Variants in PCDH15 observed in about 807,000 individuals in gnomAD.
PCDH15 encodes the protein protocadherin related 15.
Under a neutral mutation model 178.5 loss-of-function variants are expected in PCDH15, and 129 were observed. The ratio of observed to expected loss-of-function variants is 0.72; its 90% CI spans 0.63 to 0.84. PCDH15 has a LOEUF of 0.84. Among genes scored for constraint, PCDH15 ranks in the 40% least tolerant of loss-of-function variants. The pLI is 0.00. For missense variants in PCDH15, 2,230 were observed against 2,099.9 expected, an observed-to-expected ratio of 1.06 and a Z score of -1.21; for synonymous variants, 800 against 732.0, an observed-to-expected ratio of 1.09 and a Z score of -1.50.
chr10:55,056,034 A>G (rs1001067588), intron 2 of PCDH15, among the ~76,000 whole-genome samples: 2 of 152,112 alleles, frequency 1.3e-5, no homozygotes, highest in African/African-American at 4.8e-5. Context: ...CATTGTCACA[A>G]CGCTAACCCA....
intron 2 of PCDH15, among the ~76,000 whole-genome samples, chr10:55,442,083 G>C (rs1051796525): frequency 1.3e-5 from 2 of 152,094 alleles, no homozygotes; most frequent in Non-Finnish European, 2.9e-5. Flanking sequence ...AAAAATCTGT[G>C]AGAACTAGTA....
intron 15 of PCDH15, among the ~76,000 whole-genome samples, chr10:54,096,111 A>T (rs1277408405): frequency 6.6e-6 from 1 of 152,116 alleles, no homozygotes; most frequent in African/African-American, 2.4e-5. Context: ...CAAAGTTTAC[A>T]AACTATAGAA....
chr10:54,561,696 A>C (rs1396431262), intron 2 of PCDH15, among the ~76,000 whole-genome samples: 1 of 152,116 alleles, frequency 6.6e-6, no homozygotes, highest in Non-Finnish European at 1.5e-5. Flanking sequence ...ATCACTGTTT[A>C]TTTCATGCAA....
chr10:54,705,668 A>G (rs933121780), intron 1 of PCDH15, among the ~76,000 whole-genome samples: 2 of 152,170 alleles, frequency 1.3e-5, no homozygotes, highest in African/African-American at 2.4e-5. Flanking sequence ...ATTTTCTTCT[A>G]GAACAGTGAT....
At chr10:54,206,902 C>T (rs1008326837) in intron 10 of PCDH15, among the ~76,000 whole-genome samples, 5 of 151,932 alleles carry the variant, frequency 3.3e-5, no homozygotes, top group East Asian at 3.9e-4. Flanking sequence ...AGTGGGGAGA[C>T]GTGACAAGGG....
chr10:54,754,942 CTTTTTT>C (rs35143502), intron 1 of PCDH15, among the ~76,000 whole-genome samples: 10 of 33,858 alleles, frequency 3.0e-4, no homozygotes, highest in Non-Finnish European at 5.6e-4. Flanking sequence ...GTTTTTCTTT[CTTTTTT>C]TTTTTTTTTT....
At chr10:54,945,351 T>TAGATATATAGATA (rs36018565) in intron 2 of PCDH15, among the ~76,000 whole-genome samples, 113 of 138,094 alleles carry the variant, frequency 8.2e-4, no homozygotes, top group East Asian at 3.5e-3. Context: ...GATAGATAGA[T>TAGATATATAGATA]GATAGATAGA....
chr10:54,279,411 C>T (rs543955278), intron 8 of PCDH15, among the ~76,000 whole-genome samples: 4 of 151,618 alleles, frequency 2.6e-5, no homozygotes, highest in African/African-American at 4.8e-5. Flanking sequence ...TGTAGTTATG[C>T]TATATACTAA....
At chr10:55,329,170 G>T (rs1844127488) in intron 2 of PCDH15, among the ~76,000 whole-genome samples, 1 of 148,716 alleles carries the variant, frequency 6.7e-6, no homozygotes, top group Non-Finnish European at 1.5e-5. Context: ...AATATCTCGT[G>T]AGGACACTTG....
At chr10:54,206,391 A>G (rs558647068) in intron 10 of PCDH15, among the ~76,000 whole-genome samples, 42 of 152,138 alleles carry the variant, frequency 2.8e-4, no homozygotes, top group Non-Finnish European at 5.6e-4. Flanking sequence ...CAGCAAGGTC[A>G]GCCAGATATA....
intron 3 of PCDH15, among the ~76,000 whole-genome samples, chr10:54,463,606 C>A (rs929449309): frequency 6.6e-6 from 1 of 152,124 alleles, no homozygotes; most frequent in Non-Finnish European, 1.5e-5. Context: ...ATAAAACTGT[C>A]TGAGTACTGT....
At chr10:55,395,225 GAGAGAGAA>G (rs1414668432) in intron 2 of PCDH15, among the ~76,000 whole-genome samples, 16 of 142,980 alleles carry the variant, frequency 1.1e-4, no homozygotes, top group Non-Finnish European at 1.4e-4. Flanking sequence ...GAGAGAGAGA[GAGAGAGAA>G]AGAGACTACG....
chr10:54,214,689 T>C (rs1400359326), intron 9 of PCDH15, among the ~76,000 whole-genome samples: 2 of 152,210 alleles, frequency 1.3e-5, no homozygotes, highest in Non-Finnish European at 2.9e-5. Context: ...CCTTCCCGGT[T>C]CAAGTGGTTC....
chr10:55,252,255 C>T (rs1393374686), intron 1 of PCDH15, among the ~76,000 whole-genome samples: 1 of 152,002 alleles, frequency 6.6e-6, no homozygotes, highest in East Asian at 1.9e-4. Context: ...GATGTATTTT[C>T]TCGGGCAACA....
intron 23 of PCDH15, 145 bp from the exon 24 acceptor site, chr10:53,941,120 TC>T: frequency 1.6e-6 from 1 of 638,658 alleles, no homozygotes; most frequent in Non-Finnish European, 2.8e-6. Flanking sequence ...CATGATCAAA[TC>T]CCCCACCCAA....
chr10:54,824,039 T>A (rs1167464875), intron 3 of PCDH15, among the ~76,000 whole-genome samples: 1 of 152,158 alleles, frequency 6.6e-6, no homozygotes, highest in African/African-American at 2.4e-5. Context: ...ATTAGCACAA[T>A]CTCTTTATTG....
chr10:55,460,346 A>C (rs547948160), intron 2 of PCDH15, among the ~76,000 whole-genome samples: 4 of 152,166 alleles, frequency 2.6e-5, no homozygotes, highest in Admixed American at 6.6e-5. Context: ...TTAATGTAGT[A>C]GGCACTATAC....
intron 1 of PCDH15, among the ~76,000 whole-genome samples, chr10:54,729,453 T>C (rs898148301): frequency 6.6e-6 from 1 of 151,370 alleles, no homozygotes; most frequent in Non-Finnish European, 1.5e-5. Flanking sequence ...ACTATGAAAA[T>C]TCTTGAAGAA....
At chr10:54,163,253 A>G (rs2045891838) in intron 13 of PCDH15, among the ~76,000 whole-genome samples, 1 of 152,106 alleles carries the variant, frequency 6.6e-6, no homozygotes, top group South Asian at 2.1e-4. Flanking sequence ...TGCTATAAGG[A>G]ACTAACTCAG....
Sources: allele counts gnomAD v4.1 joint callset (sites outside exome capture counted in the v4.1 genomes callset), GRCh38; gene constraint gnomAD v4.1.1; transcripts MANE v1.5; gene names NCBI Gene and HGNC (gene_info 2026-07-23, HGNC 2026-07-21).